NUDT2: variants seen among roughly 807,000 people sequenced by gnomAD.
The protein encoded by NUDT2 is nudix hydrolase 2, also known as bis(5'-nucleosyl)-tetraphosphatase [asymmetrical].
NUDT2 carries 12 observed loss-of-function variants against 14.2 expected under a neutral mutation model. That is an observed-to-expected ratio of 0.84 (90% CI 0.54 to 1.37). The LOEUF (loss-of-function observed/expected upper bound fraction) is 1.37, where lower values mean the gene tolerates loss of function less well. Among genes scored for constraint, NUDT2 ranks in the 40% most tolerant of loss-of-function variants. The pLI, the probability that NUDT2 is intolerant of heterozygous loss-of-function variation, is 0.00. For synonymous variants in NUDT2, 67 were observed against 67.4 expected, an observed-to-expected ratio of 0.99 and a Z score of 0.03; for missense variants, 167 against 176.7, an observed-to-expected ratio of 0.95 and a Z score of 0.31.
intron 1 of NUDT2, among the ~76,000 whole-genome samples, chr9:34,331,995 G>A (rs1266986425): frequency 6.6e-6 from 1 of 152,098 alleles, no homozygotes; most frequent in Admixed American, 6.6e-5. Flanking sequence ...CACAGCCTCT[G>A]CCTTGATCTA....
In NUDT2 at chr9:34,342,766, C is replaced by G. The variant is rs1820223969; in HGVS notation, c.128-358C>G. On this transcript the variant is annotated intron_variant, in intron 4 of 4. Coordinates refer to ENST00000379158, the MANE Select transcript of NUDT2 (RefSeq NM_001161.5). ...GTGTGGTGGCTCATACCTGTAATCC[C>G]AACACTTTGGGAGGCTGAGGCAGGA... Among the ~76,000 whole-genome samples, 4 of 152,122 alleles carry G rather than the reference C, an allele frequency of 2.6e-5. No individual in the cohort carries two copies. The South Asian group carries it at 8.3e-4, about 32-fold the overall frequency.
chr9:34,335,673 C>T (rs1838072517), intron 1 of NUDT2, among the ~76,000 whole-genome samples: 1 of 152,222 alleles, frequency 6.6e-6, no homozygotes, highest in Non-Finnish European at 1.5e-5. Context: ...ACTGTTCTTT[C>T]CATGGGTCCA....
At chr9:34,337,807 G>T (rs1838126595) in intron 2 of NUDT2, among the ~76,000 whole-genome samples, 1 of 152,160 alleles carries the variant, frequency 6.6e-6, no homozygotes. Context: ...GCATGTGCCT[G>T]TATTGCCAGC....
Position 34,339,285 on chromosome 9 carries a change from G to T in NUDT2, c.127+119G>T, listed in dbSNP as rs112062845. On this transcript the variant is annotated intron_variant, in intron 4 of 4. Transcript: ENST00000379158. Reference sequence around the variant, plus strand: ...CTGTGTAGCAAAAAGGGGTAGGGAAGGTAGGAGCTCTTGACCCTTTCTACA... The same window carrying T: ...CTGTGTAGCAAAAAGGGGTAGGGAATGTAGGAGCTCTTGACCCTTTCTACA... 7.5e-4 allele frequency: 951 copies of T among 1,260,356 alleles called. 9 individuals are homozygous for T. In the African/African-American group the frequency reaches 0.013, roughly 17 times the overall value. 78.1% of individuals were successfully genotyped at this position (1,260,356 alleles called of 1,614,324 possible).
In NUDT2 at chr9:34,343,182, A is replaced by C. The variant is rs1820237244; in HGVS notation, c.186A>C (p.Glu62Asp). The C allele has an allele frequency of 4.3e-6, 7 of 1,614,068 alleles. No individual in the cohort carries two copies. The highest frequency in any genetic ancestry group is 5.9e-6 in the Non-Finnish European group (7 of 1,179,972). Reference sequence around the variant, plus strand: ...CAGCCCTGAGGGAGACCCAAGAGGAAGCAGGCATAGAAGCAGGCCAGCTGA... The same window carrying C: ...CAGCCCTGAGGGAGACCCAAGAGGACGCAGGCATAGAAGCAGGCCAGCTGA... ...LETALRETQE[E>D]AGIEAGQLTI... The change falls in exon 5 of 5, where the codon GAA becomes GAC. Residue 62 changes from glutamate (E) to aspartate (D), a missense_variant. Coordinates refer to ENST00000379158, the MANE Select transcript of NUDT2 (RefSeq NM_001161.5).
chr9:34,331,692 A>G (rs1244240096), intron 1 of NUDT2, among the ~76,000 whole-genome samples: 1 of 152,380 alleles, frequency 6.6e-6, no homozygotes, highest in African/African-American at 2.4e-5. Flanking sequence ...TAATAAAAAT[A>G]ATTTTAAAAA....
intron 1 of NUDT2, among the ~76,000 whole-genome samples, 176 bp from the exon 2 acceptor site, chr9:34,336,053 G>C (rs901217893): frequency 3.1e-4 from 47 of 151,706 alleles, no homozygotes; most frequent in African/African-American, 1.0e-3. Context: ...GATTCCATGG[G>C]ACCTTCTAGT....
At chr9:34,332,494 G>A (rs1473659537) in intron 1 of NUDT2, among the ~76,000 whole-genome samples, 1 of 152,140 alleles carries the variant, frequency 6.6e-6, no homozygotes, top group Admixed American at 6.5e-5. Flanking sequence ...CCTTCACACT[G>A]TCTGTCGCAT....
intron 1 of NUDT2, among the ~76,000 whole-genome samples, chr9:34,331,084 AGGTAATTCTTACTAAT>A (rs1837918556): frequency 6.6e-6 from 1 of 152,236 alleles, no homozygotes; most frequent in Non-Finnish European, 1.5e-5. Context: ...AAGGGAAAAA[AGGTAATTCTTACTAAT>A]AAGGAAACAA....
intron 2 of NUDT2, among the ~76,000 whole-genome samples, chr9:34,338,156 TA>T (rs74180557): frequency 0.21 from 6,518 of 30,816 alleles, 396 homozygotes; most frequent in African/African-American, 0.28. Flanking sequence ...CCCTGTTTCT[TA>T]AAAAAAAAAA....
intron 1 of NUDT2, among the ~76,000 whole-genome samples, chr9:34,333,264 A>T (rs1368728651): frequency 6.6e-6 from 1 of 152,106 alleles, no homozygotes; most frequent in African/African-American, 2.4e-5. Flanking sequence ...TCTCCCCCCA[A>T]CTAAAACCTT....
chr9:34,339,223 C>T, intron 4 of NUDT2, 57 bp downstream of exon 4: 2 of 1,583,158 alleles, frequency 1.3e-6, no homozygotes, highest in Admixed American at 1.7e-5. Context: ...CAGAAATCTA[C>T]CCTGCCAGGC....
intron 1 of NUDT2, among the ~76,000 whole-genome samples, chr9:34,331,610 GAGCAA>G (rs1329151177): frequency 6.6e-6 from 1 of 152,174 alleles, no homozygotes; most frequent in Non-Finnish European, 1.5e-5. Flanking sequence ...CCTATGGTAG[GAGCAA>G]TATCTTGCTC....
intron 1 of NUDT2, among the ~76,000 whole-genome samples, chr9:34,330,213 C>G (rs993924855): frequency 3.9e-5 from 6 of 152,124 alleles, no homozygotes; most frequent in Non-Finnish European, 1.5e-5. Context: ...ACCATCCTGG[C>G]TAACACGGTG....
chr9:34,332,423 G>A (rs769601580), intron 1 of NUDT2, among the ~76,000 whole-genome samples: 5 of 152,124 alleles, frequency 3.3e-5, no homozygotes, highest in Non-Finnish European at 7.4e-5. Context: ...ACTTTCACTA[G>A]CCTGTAAATC....
chr9:34,332,594 A>G (rs1837974931), intron 1 of NUDT2, among the ~76,000 whole-genome samples: 1 of 152,130 alleles, frequency 6.6e-6, no homozygotes, highest in Non-Finnish European at 1.5e-5. Context: ...AATCCCCTTC[A>G]CTAAGAATGA....
At chr9:34,335,027 G>T (rs1025269418) in intron 1 of NUDT2, among the ~76,000 whole-genome samples, 1 of 152,170 alleles carries the variant, frequency 6.6e-6, no homozygotes, top group African/African-American at 2.4e-5. Flanking sequence ...GGCTCACCTT[G>T]TTGGTGAAGG....
In NUDT2 at chr9:34,343,310, TC is replaced by T; in HGVS notation, c.316del (p.Arg106AlafsTer26). 6.2e-7 allele frequency: 1 copy of T among 1,611,838 alleles called. No individual in the cohort carries two copies. Among genetic ancestry groups the T allele is most frequent in the Non-Finnish European group, 8.5e-7 (1 of 1,179,470 alleles). ...GAGGTGAAGGACTATGACGTGGAGA[TC>T]CGCCTCTCCCATGAGCACCAAGCCT... ...LAEVKDYDVE[I>X]RLSHEHQAYR... On this transcript the variant is annotated frameshift_variant, in exon 5 of 5. Transcript: ENST00000379158. LOFTEE classifies it high-confidence loss of function.
At chr9:34,341,566 A>G (rs1383964668) in intron 4 of NUDT2, among the ~76,000 whole-genome samples, 9 of 152,144 alleles carry the variant, frequency 5.9e-5, no homozygotes, top group Admixed American at 5.9e-4. Flanking sequence ...CTGGAGTACA[A>G]TGGCACAATC....
Sources: allele counts gnomAD v4.1 joint callset (sites outside exome capture counted in the v4.1 genomes callset), GRCh38; gene constraint gnomAD v4.1.1; transcripts MANE v1.5; gene names NCBI Gene and HGNC (gene_info 2026-07-23, HGNC 2026-07-21).